Variants in ZNF331 observed in about 807,000 individuals in gnomAD.
ZNF331 encodes zinc finger protein 331.
Under a neutral mutation model 7.0 loss-of-function variants are expected in ZNF331, and 2 were observed. The observed-to-expected ratio is 0.29, with a 90% CI of 0.12 to 0.90. ZNF331 has a LOEUF of 0.90. Ranked by LOEUF, ZNF331 falls within the 40% of genes least tolerant of loss-of-function variation. The pLI, the probability that ZNF331 is intolerant of heterozygous loss-of-function variation, is 0.58. For missense variants in ZNF331, 432 were observed against 587.7 expected, an observed-to-expected ratio of 0.74 and a Z score of 2.74; for synonymous variants, 196 against 205.4, an observed-to-expected ratio of 0.95 and a Z score of 0.39.
At chr19:53,522,993 T>C (rs2087143805) in intron 2 of ZNF331, among the ~76,000 whole-genome samples, 1 of 152,210 alleles carries the variant, frequency 6.6e-6, no homozygotes, top group Non-Finnish European at 1.5e-5. Flanking sequence ...CTTTGGTCTT[T>C]TGTTTATTTT....
At position 53,549,709 on chromosome 19, in the gene ZNF331, A is replaced by T. The variant is rs758010917; in HGVS notation, c.-137-6136A>T. On this transcript the variant is annotated intron_variant, in intron 2 of 5. Coordinates refer to ENST00000449416, the MANE Select transcript of ZNF331 (RefSeq NM_001079906.2). ...ACTCTGTCTCAAAAAAAAAAAAAAA[A>T]TTTTTTTTTAAAAATCTTTTCATAT... is the stretch of plus-strand genomic sequence containing the variant. Among the ~76,000 whole-genome samples, 750 of 112,878 alleles carry T rather than the reference A, an allele frequency of 6.6e-3. 3 individuals carry two copies. Among genetic ancestry groups the T allele is most frequent in the South Asian group, 0.017 (59 of 3,572 alleles). The allele number at this position is 112,878 out of a possible 152,430, so 74.1% of individuals were successfully genotyped here. A position where few individuals can be genotyped will look rare whatever the true frequency, so the allele number is the denominator to read the frequency against.
At chr19:53,562,017 GCGCGCCTGTAAT>G (rs1417830312) in intron 3 of ZNF331, among the ~76,000 whole-genome samples, 2 of 151,954 alleles carry the variant, frequency 1.3e-5, no homozygotes, top group Non-Finnish European at 2.9e-5. Context: ...GCGTGGTGGC[GCGCGCCTGTAAT>G]CCCAGGTACT....
At chr19:53,551,479 G>T (rs1290039588) in intron 2 of ZNF331, among the ~76,000 whole-genome samples, 1 of 152,146 alleles carries the variant, frequency 6.6e-6, no homozygotes, top group African/African-American at 2.4e-5. Flanking sequence ...TGGGAGGGGT[G>T]TGCCAGTGAT....
At chr19:53,561,998 A>G (rs1207159401) in intron 3 of ZNF331, among the ~76,000 whole-genome samples, 1 of 152,002 alleles carries the variant, frequency 6.6e-6, no homozygotes, top group African/African-American at 2.4e-5. Context: ...AAATACAAAA[A>G]TTAGGCAGGC....
chr19:53,503,464 T>C, the ZNF331 span: 1 of 649,202 alleles, frequency 1.5e-6, no homozygotes, highest in East Asian at 2.7e-5. Context: ...GGGATTTCTC[T>C]CTTATTTACC....
intron 2 of ZNF331, among the ~76,000 whole-genome samples, chr19:53,545,966 C>A (rs71363353): frequency 3.3e-5 from 5 of 151,980 alleles, no homozygotes; most frequent in Admixed American, 3.3e-4. Flanking sequence ...CCCAAGAACT[C>A]TGAAACTCAC....
chr19:53,547,689 T>G (rs894192760), intron 2 of ZNF331, among the ~76,000 whole-genome samples: 4 of 152,194 alleles, frequency 2.6e-5, no homozygotes, highest in Admixed American at 6.5e-5. Context: ...ATGTTATTTT[T>G]TTTGTTTGTT....
At chr19:53,506,460 C>CTCTCTCTCTCTCTGTCTG in the ZNF331 span, among the ~76,000 whole-genome samples, 1 of 131,390 alleles carries the variant, frequency 7.6e-6, no homozygotes, top group South Asian at 2.6e-4. Context: ...CTCTCTCTCT[C>CTCTCTCTCTCTCTGTCTG]TCTCTCTCTC....
chr19:53,550,218 G>C (rs1019056165), intron 2 of ZNF331, among the ~76,000 whole-genome samples: 1 of 152,176 alleles, frequency 6.6e-6, no homozygotes, highest in African/African-American at 2.4e-5. Context: ...CTATTAGAGA[G>C]ATGGTGCAGA....
intron 2 of ZNF331, among the ~76,000 whole-genome samples, chr19:53,543,373 C>G (rs1174435216): frequency 6.6e-6 from 1 of 152,186 alleles, no homozygotes; most frequent in Non-Finnish European, 1.5e-5. Flanking sequence ...AGCAATCCTC[C>G]TGCCTCAACC....
chr19:53,557,233 C>T (rs1344155260), intron 3 of ZNF331, among the ~76,000 whole-genome samples: 3 of 152,154 alleles, frequency 2.0e-5, no homozygotes, highest in African/African-American at 4.8e-5. Flanking sequence ...GCTGGGGTTA[C>T]AGGCATCACC....
chr19:53,555,063 A>G (rs8106755), intron 2 of ZNF331, among the ~76,000 whole-genome samples: 112,601 of 152,008 alleles, frequency 0.74, 42,578 homozygotes, highest in African/African-American at 0.89. Context: ...AGGCTGAGCC[A>G]TCAGTGCAGG....
chr19:53,546,759 G>A (rs892963630), intron 2 of ZNF331, among the ~76,000 whole-genome samples: 4 of 152,166 alleles, frequency 2.6e-5, no homozygotes, highest in Admixed American at 1.3e-4. Flanking sequence ...CTTTAAGAGC[G>A]GAGTTTGAGC....
chr19:53,519,540 G>A (rs2086989922), upstream of ZNF331, among the ~76,000 whole-genome samples: 1 of 152,134 alleles, frequency 6.6e-6, no homozygotes, highest in Admixed American at 6.5e-5. Context: ...GGAACATCCT[G>A]ATGAGATCCC....
chr19:53,519,793 C>T (rs1250417149), upstream of ZNF331, among the ~76,000 whole-genome samples: 1 of 152,170 alleles, frequency 6.6e-6, no homozygotes, highest in Non-Finnish European at 1.5e-5. Flanking sequence ...GTGGAACCTA[C>T]TCAAGGTCCC....
chr19:53,571,525 C>T lies in ZNF331; in HGVS notation c.10-79C>T, dbSNP rs1257042065. ...GTCTGCTCACGGTGTTCACCCTACC[C>T]AGAGGGTGGCCTCCTGTCTCCTTCA... On this transcript the variant is annotated intron_variant, in intron 4 of 5. Coordinates refer to ENST00000449416, the MANE Select transcript of ZNF331 (RefSeq NM_001079906.2). The surrounding 1 kb of genome is among the most constrained non-coding windows in gnomAD (Gnocchi z 4.7). 3 of 1,573,584 alleles carry T rather than the reference C, an allele frequency of 1.9e-6. No homozygotes were observed. The highest frequency in any genetic ancestry group is 1.4e-5 in the African/African-American group (1 of 74,030).
chr19:53,545,279 G>C (rs1180720794), intron 2 of ZNF331, among the ~76,000 whole-genome samples: 1 of 152,076 alleles, frequency 6.6e-6, no homozygotes, highest in Non-Finnish European at 1.5e-5. Flanking sequence ...GTCAAAATTA[G>C]ATGTTTGTTA....
the ZNF331 span, among the ~76,000 whole-genome samples, chr19:53,505,856 G>A: frequency 6.6e-6 from 1 of 151,874 alleles, no homozygotes; most frequent in African/African-American, 2.4e-5. Context: ...GTGGTGGTGG[G>A]CACCTGTAGT....
chr19:53,527,602 C>T (rs545648783), intron 2 of ZNF331, among the ~76,000 whole-genome samples: 1 of 152,246 alleles, frequency 6.6e-6, no homozygotes, highest in African/African-American at 2.4e-5. Context: ...TCTCCCACTC[C>T]CCCACTAAAC....
Sources: gnomAD v4.1 joint callset for allele counts (sites outside exome capture counted in the v4.1 genomes callset) on GRCh38, gnomAD v4.1.1 for gene constraint, Gnocchi (gnomAD v3.1) non-coding constraint, MANE v1.5 for transcripts, NCBI Gene and HGNC (gene_info 2026-07-23, HGNC 2026-07-21) for gene names.